Variants in AASS observed in about 807,000 individuals in gnomAD.
AASS encodes alpha-aminoadipic semialdehyde synthase, mitochondrial.
In AASS, 86 loss-of-function variants were observed where a neutral mutation model predicts 105.4. The ratio of observed to expected loss-of-function variants is 0.82; its 90% CI spans 0.69 to 0.98. AASS has a LOEUF of 0.98. Ranked by LOEUF, AASS falls within the 50% of genes least tolerant of loss-of-function variation. The probability of loss-of-function intolerance (pLI) is 0.00; values close to 1 mark genes in which losing one functional copy is unlikely to be tolerated. For missense variants in AASS, 1,048 were observed against 1,143.2 expected (o/e 0.92, Z 1.20); for synonymous variants, 381 against 394.8 (o/e 0.96, Z 0.41).
At chr7:122,096,794 T>G (rs1445136147) in intron 15 of AASS, among the ~76,000 whole-genome samples, 1 of 152,136 alleles carries the variant, frequency 6.6e-6, no homozygotes, top group Non-Finnish European at 1.5e-5. Flanking sequence ...TTTTAAAATT[T>G]GGACATATTA....
chr7:122,126,593 T>G, intron 3 of AASS, 134 bp from the exon 4 acceptor site: 2 of 759,014 alleles, frequency 2.6e-6, no homozygotes, highest in Non-Finnish European at 4.6e-6. Flanking sequence ...GAAGCTACCA[T>G]CAGGTATACC....
chr7:122,102,728 C>G (rs1399484068), intron 11 of AASS, among the ~76,000 whole-genome samples: 4 of 152,112 alleles, frequency 2.6e-5, no homozygotes, highest in Non-Finnish European at 5.9e-5. Context: ...TTTCTCCTAA[C>G]CTTTACCCTT....
At chr7:122,084,796 A>G (rs1220725025) in intron 19 of AASS, among the ~76,000 whole-genome samples, 1 of 152,034 alleles carries the variant, frequency 6.6e-6, no homozygotes, top group East Asian at 1.9e-4. Flanking sequence ...TCTTCCAGAT[A>G]AAAAGATAAT....
chr7:122,113,140 A>T lies in AASS; in HGVS notation c.1256T>A (p.Leu419His). The change falls in exon 11 of 24, where the codon CTT (leucine) becomes CAT (histidine). Residue 419 changes from leucine to histidine, a missense_variant. Transcript: ENST00000417368. Reference protein sequence around the residue: ...IEATECFGDMLYPYVEEMILS... With the variant: ...IEATECFGDMHYPYVEEMILS... ...TACCATTTCTTCAACATAAGGGTAA[A>T]GCATGTCTCCAAAGCATTCTGTAGC... 6.2e-7 allele frequency: 1 copy of T among 1,614,000 alleles called. No homozygotes were observed. The highest frequency in any genetic ancestry group is 8.5e-7 in the Non-Finnish European group (1 of 1,179,892).
intron 4 of AASS, among the ~76,000 whole-genome samples, chr7:122,122,700 T>A (rs995401645): frequency 1.1e-4 from 17 of 152,294 alleles, no homozygotes; most frequent in South Asian, 4.1e-4. Flanking sequence ...CCACCATGTA[T>A]CTATCAATCA....
chr7:122,131,642 G>C (rs1188513497), intron 2 of AASS, among the ~76,000 whole-genome samples: 1 of 151,932 alleles, frequency 6.6e-6, no homozygotes, highest in Non-Finnish European at 1.5e-5. Context: ...GTGGGCAACT[G>C]TTTGTGTATA....
At chr7:122,081,627 A>G (rs372939523) in intron 19 of AASS, 32 bp from the exon 20 acceptor site, 2 of 1,507,846 alleles carry the variant, frequency 1.3e-6, no homozygotes, top group Non-Finnish European at 1.8e-6. Context: ...AGTATATAAA[A>G]TTTTTCTCTT....
intron 1 of AASS, among the ~76,000 whole-genome samples, chr7:122,135,695 C>T (rs1343208853): frequency 1.3e-5 from 2 of 152,142 alleles, no homozygotes; most frequent in African/African-American, 2.4e-5. Flanking sequence ...AGAACCAGGG[C>T]TGCATATGAA....
At position 122,113,673 on chromosome 7, in the gene AASS, T is replaced by C. The variant is rs1279532775; in HGVS notation, c.1091A>G (p.Glu364Gly). 3.1e-6 allele frequency: 5 copies of C among 1,613,316 alleles called. No homozygotes were observed. Among genetic ancestry groups the C allele is most frequent in the African/African-American group, 1.3e-5 (1 of 74,828 alleles). Reference protein sequence around the residue: ...DISADTGGSIEFMTECTTIEH... With the variant: ...DISADTGGSIGFMTECTTIEH... ...TATTGTTGTACACTCAGTCATAAAC[T>C]CTATAGACCCTCCTGTGTCAGCTGA... Residue 364 changes from glutamate (E) to glycine (G), a missense_variant, in exon 10 of 24, where the codon GAG becomes GGG. Transcript: ENST00000417368.
intron 13 of AASS, among the ~76,000 whole-genome samples, chr7:122,100,302 C>T (rs1328705470): frequency 6.6e-6 from 1 of 151,770 alleles, no homozygotes; most frequent in East Asian, 1.9e-4. Context: ...GTGTAAAAGA[C>T]CATCGGATGA....
At chr7:122,096,947 C>T (rs926688217) in intron 15 of AASS, among the ~76,000 whole-genome samples, 2 of 152,028 alleles carry the variant, frequency 1.3e-5, no homozygotes, top group African/African-American at 4.8e-5. Context: ...TTGTTCTACT[C>T]AGAAGGCTAG....
rs554223188 is a variant in AASS, at chr7:122,080,257, C to G, written c.2281-545G>C. Among the ~76,000 whole-genome samples the G allele has an allele frequency of 2.0e-5, 3 of 152,316 alleles. No individual in the cohort carries two copies. In the East Asian group the frequency reaches 5.8e-4, roughly 29 times the overall value. ...AGGTTCCCAAAGGAAAAGCTATGCTCTAGATCAGGAGTCAACAAACTGGTT... is the reference window on the plus strand; with the variant it reads ...AGGTTCCCAAAGGAAAAGCTATGCTGTAGATCAGGAGTCAACAAACTGGTT... On this transcript the variant is annotated intron_variant, in intron 20 of 23. Coordinates refer to ENST00000417368, the MANE Select transcript of AASS (RefSeq NM_005763.4).
chr7:122,142,101 C>T (rs771739092), intron 1 of AASS, among the ~76,000 whole-genome samples: 3 of 152,164 alleles, frequency 2.0e-5, no homozygotes, highest in Non-Finnish European at 4.4e-5. Flanking sequence ...CAAAGGAATA[C>T]TGGTTTCTCT....
At chr7:122,079,287 A>G in intron 21 of AASS, 1 of 1,345,974 alleles carries the variant, frequency 7.4e-7, no homozygotes, top group Non-Finnish European at 9.6e-7. Context: ...GTCATATGAA[A>G]GAATGTTTTC....
rs1792999851 is a variant in AASS, at chr7:122,076,227, T to G, written c.*262A>C. On this transcript the variant is annotated 3_prime_UTR_variant, in exon 24 of 24. Transcript: ENST00000417368. The stretch of plus-strand genomic sequence containing the variant: ...AAAGAAAAAAAGTGGCACAATAAAT[T>G]AACAAATAGCATGATCATCACTTTC... 3 of 384,154 alleles carry G rather than the reference T, an allele frequency of 7.8e-6. No homozygotes were observed. The South Asian group carries it at 1.0e-4, about 13-fold the overall frequency. The allele number at this position is 384,154 out of a possible 1,614,324, so 23.8% of individuals were successfully genotyped here.
At chr7:122,142,729 C>A (rs2150561851) in intron 1 of AASS, among the ~76,000 whole-genome samples, 1 of 152,110 alleles carries the variant, frequency 6.6e-6, no homozygotes, top group East Asian at 1.9e-4. Context: ...AGAAAACTTA[C>A]CACTGTTTGT....
intron 11 of AASS, among the ~76,000 whole-genome samples, chr7:122,102,034 G>A (rs912272423): frequency 6.6e-6 from 1 of 151,830 alleles, no homozygotes; most frequent in African/African-American, 2.4e-5. Flanking sequence ...CTCCCTTCAA[G>A]GGCCTCTACT....
At chr7:122,093,008 C>G (rs1206114285) in intron 16 of AASS, 40 bp downstream of exon 16, 2 of 1,609,830 alleles carry the variant, frequency 1.2e-6, no homozygotes, top group African/African-American at 2.7e-5. Context: ...AAAACAATGC[C>G]ATGGATCCAC....
rs780164559 is a variant in AASS at position 122,113,716 on chromosome 7, C to T, written c.1048G>A (p.Val350Met). 6.1e-5 allele frequency: 98 copies of T among 1,612,260 alleles called. 1 individual carries two copies. The Admixed American group carries it at 1.3e-3, about 21-fold the overall frequency. The change falls in exon 10 of 24, where the codon GTG becomes ATG. Residue 350 changes from valine to methionine, a missense_variant. Physicochemically the swap from Val to Met is conservative, Grantham distance 21 (BLOSUM62 1). Transcript: ENST00000417368. The part of the protein sequence containing the change: ...EGCPALPHKL[V>M]AICDISADTG... ...TCAGCTGAAATGTCACATATTGCCA[C>T]GAGTCTGAAAATAACATCAATACTT...
Sources: gnomAD v4.1 joint callset for allele counts (sites outside exome capture counted in the v4.1 genomes callset) on GRCh38, gnomAD v4.1.1 for gene constraint, MANE v1.5 for transcripts, NCBI Gene and HGNC (gene_info 2026-07-23, HGNC 2026-07-21) for gene names.